PALLD: variants seen among roughly 807,000 people sequenced by gnomAD.
PALLD encodes the protein palladin, cytoskeletal associated protein, also known as palladin.
In PALLD, 61 loss-of-function variants were observed where a neutral mutation model predicts 123.5. The observed-to-expected ratio is 0.49, with a 90% confidence interval of 0.40 to 0.61. PALLD has a LOEUF of 0.61. Among genes scored for constraint, PALLD ranks in the 20% least tolerant of loss-of-function variants. PALLD has a pLI of 0.00. For missense variants in PALLD, 1,273 were observed against 1,377.0 expected (o/e 0.92, Z 1.20); for synonymous variants, 465 against 496.4 (o/e 0.94, Z 0.84).
Position 168,926,241 on chromosome 4 carries a change from C to G in PALLD, c.*61C>G. ...AGTGGCATCAGCAGTCACAGAGCACCAAGCCAAAAAAAGTACGGCCCTCAG... is the reference window on the plus strand; with the variant it reads ...AGTGGCATCAGCAGTCACAGAGCACGAAGCCAAAAAAAGTACGGCCCTCAG... On this transcript the variant is annotated 3_prime_UTR_variant, in exon 22 of 22. Transcript: ENST00000505667. 1 of 1,535,456 alleles carries G rather than the reference C, an allele frequency of 6.5e-7. No individual in the cohort carries two copies. Among genetic ancestry groups the G allele is most frequent in the Non-Finnish European group, 8.7e-7 (1 of 1,145,914 alleles).
At chr4:168,760,425 A>G (rs1051240813) in intron 10 of PALLD, among the ~76,000 whole-genome samples, 11 of 152,060 alleles carry the variant, frequency 7.2e-5, no homozygotes, top group Admixed American at 7.2e-4. Flanking sequence ...AAATTGCAGC[A>G]TGGGACTTTT....
chr4:168,767,109 C>T (rs1038815174), intron 10 of PALLD, among the ~76,000 whole-genome samples: 19 of 152,192 alleles, frequency 1.2e-4, no homozygotes, highest in East Asian at 7.7e-4. Flanking sequence ...ATTTCACAAC[C>T]GGCCAAATAA....
chr4:168,669,742 A>G (rs762969517), intron 3 of PALLD, among the ~76,000 whole-genome samples: 10 of 152,166 alleles, frequency 6.6e-5, no homozygotes, highest in Non-Finnish European at 1.5e-4. Flanking sequence ...TGTCCTATTA[A>G]TAAAAACAAA....
At chr4:168,564,158 G>A (rs1415300139) in intron 2 of PALLD, among the ~76,000 whole-genome samples, 1 of 152,102 alleles carries the variant, frequency 6.6e-6, no homozygotes, top group Non-Finnish European at 1.5e-5. Context: ...ATCCAAATGT[G>A]ACTCACAGGG....
intron 2 of PALLD, among the ~76,000 whole-genome samples, chr4:168,581,804 G>A (rs960859877): frequency 8.6e-5 from 13 of 151,742 alleles, no homozygotes; most frequent in Non-Finnish European, 1.2e-4. Flanking sequence ...TGTTGCCTAT[G>A]TTTTTTAGGT....
Position 168,903,802 on chromosome 4 carries a change from C to G in PALLD, c.2518C>G (p.His840Asp). The change falls in exon 15 of 22, where the codon CAC becomes GAC. Residue 840 changes from histidine (H) to aspartate (D), a missense_variant. Physicochemically the swap from His to Asp is moderately conservative, Grantham distance 81. Around this residue, in one of 2 missense-constraint regions of PALLD, gnomAD observed 329 missense variants for 422.5 expected, o/e 0.78. Transcript: ENST00000505667. ...DGKQISPKSD[H>D]YTIQRDLDGT... ...GAAGCAGATCTCTCCAAAGAGTGAT[C>G]ACTACACCATTCAAAGAGATCTCGA... 2 of 1,611,506 alleles carry G rather than the reference C, an allele frequency of 1.2e-6. No individual in the cohort carries two copies. The highest frequency in any genetic ancestry group is 1.7e-4 in the Middle Eastern group (1 of 6,040).
intron 17 of PALLD, among the ~76,000 whole-genome samples, chr4:168,918,053 G>A (rs1582173491): frequency 6.6e-6 from 1 of 152,016 alleles, no homozygotes; most frequent in Non-Finnish European, 1.5e-5. Context: ...GCTAAAATTA[G>A]CCAGGTGTGG....
At chr4:168,614,178 A>T (rs764395918) in intron 2 of PALLD, among the ~76,000 whole-genome samples, 1 of 152,146 alleles carries the variant, frequency 6.6e-6, no homozygotes, top group Non-Finnish European at 1.5e-5. Context: ...TTTTTTCTCT[A>T]TCATATTGAG....
chr4:168,746,212 A>G (rs1419172967), intron 10 of PALLD, among the ~76,000 whole-genome samples: 1 of 151,796 alleles, frequency 6.6e-6, no homozygotes, highest in Non-Finnish European at 1.5e-5. Flanking sequence ...GCCTGCTTGG[A>G]TAATCAGCTT....
intron 10 of PALLD, among the ~76,000 whole-genome samples, chr4:168,881,304 C>G (rs1234921950): frequency 6.6e-6 from 1 of 152,042 alleles, no homozygotes; most frequent in Admixed American, 6.5e-5. Flanking sequence ...TTAGTAAGTA[C>G]TAAGTTTCTA....
intron 10 of PALLD, among the ~76,000 whole-genome samples, chr4:168,714,799 T>G (rs1387175149): frequency 6.6e-6 from 1 of 151,788 alleles, no homozygotes; most frequent in African/African-American, 2.4e-5. Flanking sequence ...CACAATGAAT[T>G]AATCTGAAAA....
At chr4:168,586,153 T>TAAAA (rs35474736) in intron 2 of PALLD, among the ~76,000 whole-genome samples, 69 of 75,524 alleles carry the variant, frequency 9.1e-4, no homozygotes, top group African/African-American at 3.3e-3. Flanking sequence ...TCAAGAGACC[T>TAAAA]AAAAAAAAAA....
rs564718250 is a variant in PALLD, at chr4:168,859,830, C to T, written c.1965-31092C>T. 1.6e-3 allele frequency among the ~76,000 whole-genome samples: 243 copies of T among 152,154 alleles called. 2 individuals carry two copies. The highest frequency in any genetic ancestry group is 2.9e-3 in the Non-Finnish European group (197 of 67,998). On this transcript the variant is annotated intron_variant, in intron 10 of 21. Coordinates refer to ENST00000505667, the MANE Select transcript of PALLD (RefSeq NM_001166108.2). ...CATATGCAGTTTGTTTTCTAGTAGT[C>T]ACATTAAAAAGGAAAAAGAAATTAA...
intron 2 of PALLD, among the ~76,000 whole-genome samples, chr4:168,611,909 C>A (rs1198910375): frequency 1.3e-5 from 2 of 152,154 alleles, no homozygotes; most frequent in Non-Finnish European, 2.9e-5. Flanking sequence ...CCTGTAATCC[C>A]AACATTTTGG....
chr4:168,879,746 A>G (rs1752357729), intron 10 of PALLD, among the ~76,000 whole-genome samples: 1 of 152,228 alleles, frequency 6.6e-6, no homozygotes, highest in Non-Finnish European at 1.5e-5. Context: ...AGTCCAATGA[A>G]TATATAAAGA....
chr4:168,562,087 G>A (rs1767922871), intron 2 of PALLD, among the ~76,000 whole-genome samples: 1 of 139,236 alleles, frequency 7.2e-6, no homozygotes, highest in African/African-American at 2.7e-5. Flanking sequence ...TGGCTCAAAG[G>A]TCACAAGGAT....
At chr4:168,537,825 T>C (rs1324557283) in intron 2 of PALLD, 1 of 152,128 alleles carries the variant, frequency 6.6e-6, no homozygotes, top group Non-Finnish European at 1.5e-5. Context: ...AATTTTTATC[T>C]AAGTAGTTCA....
intron 2 of PALLD, among the ~76,000 whole-genome samples, chr4:168,550,564 T>G (rs1224398515): frequency 7.1e-6 from 1 of 140,186 alleles, no homozygotes; most frequent in Non-Finnish European, 1.6e-5. Flanking sequence ...GAGATATTTA[T>G]GAGCTTCTAA....
intron 1 of PALLD, among the ~76,000 whole-genome samples, chr4:168,509,003 T>G (rs1039925262): frequency 2.6e-5 from 4 of 152,200 alleles, no homozygotes; most frequent in African/African-American, 9.7e-5. Context: ...AAAATGGTAC[T>G]GGGTGTCCTT....
Sources: gnomAD v4.1 joint callset for allele counts (sites outside exome capture counted in the v4.1 genomes callset) on GRCh38, gnomAD v4.1.1 for gene constraint, gnomAD v4.1.1 regional missense constraint, MANE v1.5 for transcripts, NCBI Gene and HGNC (gene_info 2026-07-23, HGNC 2026-07-21) for gene names.